Variants in ZBTB20 observed in about 807,000 individuals in gnomAD.
ZBTB20 encodes the protein zinc finger and BTB domain containing 20, also known as zinc finger and BTB domain-containing protein 20.
In ZBTB20, 9 loss-of-function variants were observed where a neutral mutation model predicts 56.9. The observed-to-expected ratio is 0.16, with a 90% CI of 0.10 to 0.28. ZBTB20 has a LOEUF of 0.28. Among genes scored for constraint, ZBTB20 ranks in the 10% least tolerant of loss-of-function variants. The probability of loss-of-function intolerance (pLI) is 1.00; values close to 1 mark genes in which losing one functional copy is unlikely to be tolerated. For synonymous variants in ZBTB20, 417 were observed against 420.7 expected, an observed-to-expected ratio of 0.99 and a Z score of 0.11; for missense variants, 655 against 1,003.0, an observed-to-expected ratio of 0.65 and a Z score of 4.69.
In ZBTB20 at chr3:114,524,714, T is replaced by C. The variant is rs896404939; in HGVS notation, c.-294-24323A>G. ...CAAATTATCTCCAAGTCTTGAGAAT[T>C]TCCAATTTTTTTTTCTGAGATGGAG... On this transcript the variant is annotated intron_variant, in intron 6 of 11. Coordinates refer to ENST00000675478, the MANE Select transcript of ZBTB20 (RefSeq NM_001348800.3). 2.0e-5 allele frequency among the ~76,000 whole-genome samples: 3 copies of C among 152,126 alleles called. No individual in the cohort carries two copies. In the East Asian group the frequency reaches 5.8e-4, roughly 29 times the overall value.
At chr3:114,579,500 T>C (rs1382296805) in intron 6 of ZBTB20, among the ~76,000 whole-genome samples, 1 of 151,004 alleles carries the variant, frequency 6.6e-6, no homozygotes, top group Non-Finnish European at 1.5e-5. Context: ...GGGTAATAAT[T>C]CAATTCAAGA....
At chr3:114,901,760 C>A in intron 3 of ZBTB20, among the ~76,000 whole-genome samples, 1 of 151,564 alleles carries the variant, frequency 6.6e-6, no homozygotes, top group South Asian at 2.1e-4. Context: ...TATTATGATG[C>A]TAAAATATTA....
chr3:114,646,275 G>C (rs1163830717), intron 6 of ZBTB20, among the ~76,000 whole-genome samples: 1 of 151,892 alleles, frequency 6.6e-6, no homozygotes, highest in African/African-American at 2.4e-5. Flanking sequence ...GAAGAAGTTT[G>C]AAAAACTTTT....
At chr3:114,692,201 C>T (rs1340002801) in intron 6 of ZBTB20, among the ~76,000 whole-genome samples, 1 of 152,080 alleles carries the variant, frequency 6.6e-6, no homozygotes, top group East Asian at 1.9e-4. Flanking sequence ...AAATTAAAGT[C>T]ACCAAATAAG....
chr3:114,601,690 A>C (rs1385024758), intron 6 of ZBTB20, among the ~76,000 whole-genome samples: 1 of 152,000 alleles, frequency 6.6e-6, no homozygotes, highest in African/African-American at 2.4e-5. Context: ...TTGCATATTG[A>C]GGATGTTTTA....
chr3:114,830,734 A>G (rs1225921841), intron 4 of ZBTB20, among the ~76,000 whole-genome samples: 1 of 151,976 alleles, frequency 6.6e-6, no homozygotes, highest in Non-Finnish European at 1.5e-5. Flanking sequence ...CCAGGATTCA[A>G]AGTCAGATCT....
intron 4 of ZBTB20, among the ~76,000 whole-genome samples, chr3:114,858,621 C>T (rs2107469630): frequency 6.6e-6 from 1 of 151,654 alleles, no homozygotes; most frequent in African/African-American, 2.4e-5. Context: ...GTGCACATTC[C>T]CTACCATAAA....
intron 2 of ZBTB20, among the ~76,000 whole-genome samples, chr3:115,018,671 C>T (rs563120867): frequency 8.6e-5 from 13 of 151,346 alleles, no homozygotes; most frequent in African/African-American, 2.4e-4. Context: ...ACAGAGCTCA[C>T]CTTAAAAGAC....
At chr3:115,104,258 A>G (rs1464333654) in intron 1 of ZBTB20, among the ~76,000 whole-genome samples, 3 of 152,236 alleles carry the variant, frequency 2.0e-5, no homozygotes, top group Non-Finnish European at 4.4e-5. Flanking sequence ...GTAGGAATGA[A>G]AAATGGTACA....
At chr3:114,609,123 T>C (rs994573743) in intron 6 of ZBTB20, among the ~76,000 whole-genome samples, 3 of 152,188 alleles carry the variant, frequency 2.0e-5, no homozygotes, top group Non-Finnish European at 2.9e-5. Flanking sequence ...CCACTTACCA[T>C]TTAGAAAGGC....
At chr3:114,795,387 T>A (rs2071274596) in intron 5 of ZBTB20, among the ~76,000 whole-genome samples, 2 of 152,102 alleles carry the variant, frequency 1.3e-5, no homozygotes, top group African/African-American at 4.8e-5. Context: ...CTCTGGCATT[T>A]CTCTGACCAC....
Position 114,392,154 on chromosome 3 carries a change from G to A in ZBTB20, c.-254-3049C>T, listed in dbSNP as rs1016460398. Among the ~76,000 whole-genome samples, 7 of 152,248 alleles carry A rather than the reference G, an allele frequency of 4.6e-5. No homozygotes were observed. In the South Asian group the frequency reaches 1.5e-3, roughly 32 times the overall value. On this transcript the variant is annotated intron_variant, in intron 7 of 11. Coordinates refer to ENST00000675478, the MANE Select transcript of ZBTB20 (RefSeq NM_001348800.3). ...ATACTGTCAACACCACTGGGGAGGA[G>A]GTGCGGATGGTTAATGGGTACAAAA...
chr3:114,512,001 A>G (rs536551171), intron 6 of ZBTB20, among the ~76,000 whole-genome samples: 1 of 152,136 alleles, frequency 6.6e-6, no homozygotes, highest in Non-Finnish European at 1.5e-5. Flanking sequence ...GTGATTTCAA[A>G]GACTCTCCTG....
At chr3:114,660,798 C>T (rs972078062) in intron 6 of ZBTB20, among the ~76,000 whole-genome samples, 1 of 151,796 alleles carries the variant, frequency 6.6e-6, no homozygotes, top group African/African-American at 2.4e-5. Flanking sequence ...CTCTTCTTAC[C>T]TAATTGCATT....
At chr3:114,361,086 A>G (rs898282196) in intron 10 of ZBTB20, among the ~76,000 whole-genome samples, 24 of 152,130 alleles carry the variant, frequency 1.6e-4, no homozygotes, top group African/African-American at 5.3e-4. Context: ...CATATTGTCA[A>G]AAAAGACATT....
intron 1 of ZBTB20, among the ~76,000 whole-genome samples, chr3:115,088,675 T>C (rs1013552208): frequency 6.6e-6 from 1 of 151,924 alleles, no homozygotes; most frequent in Non-Finnish European, 1.5e-5. Flanking sequence ...CAAGTTTGCA[T>C]ACATGTGCTG....
chr3:114,728,428 C>T (rs191973072), intron 5 of ZBTB20, among the ~76,000 whole-genome samples: 1 of 152,116 alleles, frequency 6.6e-6, no homozygotes, highest in African/African-American at 2.4e-5. Context: ...ACTGTGCAGA[C>T]CTGGAAAGAA....
chr3:114,420,149 C>T (rs1455778819), intron 7 of ZBTB20, among the ~76,000 whole-genome samples: 1 of 152,028 alleles, frequency 6.6e-6, no homozygotes, highest in Non-Finnish European at 1.5e-5. Context: ...TGATAAATAT[C>T]CTGGAAGCAT....
intron 1 of ZBTB20, among the ~76,000 whole-genome samples, chr3:115,079,242 A>G (rs2082706414): frequency 6.6e-6 from 1 of 152,226 alleles, no homozygotes; most frequent in Non-Finnish European, 1.5e-5. Context: ...TAGATGTTCA[A>G]GAAGTTTCCA....
Sources: gnomAD v4.1 joint callset for allele counts (sites outside exome capture counted in the v4.1 genomes callset) on GRCh38, gnomAD v4.1.1 for gene constraint, MANE v1.5 for transcripts, NCBI Gene and HGNC (gene_info 2026-07-23, HGNC 2026-07-21) for gene names.